Variants in NAPG observed in about 807,000 individuals in gnomAD.
The protein encoded by NAPG is gamma-soluble NSF attachment protein.
In NAPG, 25 loss-of-function variants were observed where a neutral mutation model predicts 48.4. The observed-to-expected ratio is 0.52, with a 90% CI of 0.38 to 0.72. NAPG has a LOEUF of 0.72. Ranked by LOEUF, NAPG falls within the 30% of genes least tolerant of loss-of-function variation. The pLI is 0.00. For synonymous variants in NAPG, 139 were observed against 127.2 expected (o/e 1.09, Z -0.62); for missense variants, 359 against 372.5 (o/e 0.96, Z 0.30).
At position 10,550,416 on chromosome 18, in the gene NAPG, C is replaced by T. The variant is rs2032364553; in HGVS notation, c.*196C>T. On this transcript the variant is annotated 3_prime_UTR_variant, in exon 12 of 12. Transcript: ENST00000322897. ...ACCTGTGAAGCATATCTTTTTCTTT[C>T]CATAAGAGCTTTTCTAAGACACCAG... is the stretch of plus-strand genomic sequence containing the variant. The T allele has an allele frequency of 1.0e-5, 5 of 487,776 alleles. No individual in the cohort carries two copies. The South Asian group carries it at 1.6e-4, about 16-fold the overall frequency. The allele number at this position is 487,776 out of a possible 1,614,324, so 30.2% of individuals were successfully genotyped here.
chr18:10,529,789 C>G (rs1219118832), intron 1 of NAPG, among the ~76,000 whole-genome samples: 3 of 152,134 alleles, frequency 2.0e-5, no homozygotes, highest in Non-Finnish European at 2.9e-5. Context: ...GTGGCAGTTC[C>G]CATGGCTGTC....
intron 1 of NAPG, among the ~76,000 whole-genome samples, chr18:10,530,134 G>C (rs1466591889): frequency 1.4e-5 from 2 of 140,532 alleles, no homozygotes; most frequent in African/African-American, 5.2e-5. Flanking sequence ...CTTGGCTTTT[G>C]TAATATCCTT....
Position 10,549,097 on chromosome 18 carries a change from G to A in NAPG, c.795+1G>A. 1 of 1,612,128 alleles carries A rather than the reference G, an allele frequency of 6.2e-7. No individual in the cohort carries two copies. The highest frequency in any genetic ancestry group is 8.5e-7 in the Non-Finnish European group (1 of 1,178,710). On this transcript the variant is annotated splice_donor_variant, in intron 11 of 11. Coordinates refer to ENST00000322897, the MANE Select transcript of NAPG (RefSeq NM_003826.3). LOFTEE classifies it high-confidence loss of function. ...GCTTTTCAAGTACATGGACAATGATGTAAGTGGACCCATTTGCATAGCTTT... is the reference window on the plus strand; with the variant it reads ...GCTTTTCAAGTACATGGACAATGATATAAGTGGACCCATTTGCATAGCTTT...
rs1352966038 is a variant in NAPG, at chr18:10,534,898, G to A, written c.258+402G>A. On this transcript the variant is annotated intron_variant, in intron 5 of 11. Coordinates refer to ENST00000322897, the MANE Select transcript of NAPG (RefSeq NM_003826.3). This position sits in a 1 kb window ranked among gnomAD's most constrained non-coding sequence, Gnocchi z 5.0. Reference sequence around the variant, plus strand: ...GAGATTTTTACTTATGTGAATAACAGTTGGCAGCAGAAACAACCACAGATT... The same window carrying A: ...GAGATTTTTACTTATGTGAATAACAATTGGCAGCAGAAACAACCACAGATT... Among the ~76,000 whole-genome samples the A allele has an allele frequency of 6.6e-6, 1 of 152,200 alleles. No homozygotes were observed. Among genetic ancestry groups the A allele is most frequent in the Non-Finnish European group, 1.5e-5 (1 of 68,036 alleles).
rs571460283 is a variant in NAPG at position 10,527,202 on chromosome 18, A to AG, written c.56+1044_56+1045insG. On this transcript the variant is annotated intron_variant, in intron 1 of 11. Coordinates refer to ENST00000322897, the MANE Select transcript of NAPG (RefSeq NM_003826.3). The stretch of plus-strand genomic sequence containing the variant: ...GACTCCGTCTCAAAAAAAAAAAAAA[A>AG]AAAGAAAAGAAAAAGTCAGCATTGT... Among the ~76,000 whole-genome samples, 45 of 123,412 alleles carry AG rather than the reference A, an allele frequency of 3.6e-4. No individual in the cohort carries two copies. In the South Asian group the frequency reaches 0.012, roughly 33 times the overall value. 81.0% of individuals were successfully genotyped at this position (123,412 alleles called of 152,430 possible). A position where few individuals can be genotyped will look rare whatever the true frequency, so the allele number is the denominator to read the frequency against.
At position 10,551,257 on chromosome 18, in the gene NAPG, T is replaced by A. The variant is rs2032387400; in HGVS notation, c.*1037T>A. The A allele has an allele frequency of 6.6e-6, 1 of 152,100 alleles. No homozygotes were observed. The highest frequency in any genetic ancestry group is 6.6e-5 in the Admixed American group (1 of 15,262). 9.4% of individuals were successfully genotyped at this position (152,100 alleles called of 1,614,324 possible). ...CAGCCTATGAATATCTTTCTAACAT[T>A]GTAAGAATGAGGTAATGTTTCCATC... On this transcript the variant is annotated 3_prime_UTR_variant, in exon 12 of 12. Transcript: ENST00000322897.
Position 10,539,517 on chromosome 18 carries a change from TG to T in NAPG, c.259-241del. On this transcript the variant is annotated intron_variant, in intron 5 of 11. Transcript: ENST00000322897. This position sits in a 1 kb window ranked among gnomAD's most constrained non-coding sequence, Gnocchi z 4.7. ...TCACACTCCTGGGCCTGTCGGGGGC[TG>T]GGGAATAAGGGGAGGGAGAGCACTA... 1 of 406,584 alleles carries T rather than the reference TG, an allele frequency of 2.5e-6. No individual in the cohort carries two copies. The highest frequency in any genetic ancestry group is 4.5e-6 in the Non-Finnish European group (1 of 220,820). 25.2% of individuals were successfully genotyped at this position (406,584 alleles called of 1,614,324 possible). A position where few individuals can be genotyped will look rare whatever the true frequency, so the allele number is the denominator to read the frequency against.
intron 8 of NAPG, 82 bp downstream of exon 8, chr18:10,540,481 C>A: frequency 1.6e-6 from 2 of 1,217,216 alleles, no homozygotes; most frequent in Non-Finnish European, 2.4e-6. Context: ...TGGGGGATAG[C>A]TTGTTAATTT....
At chr18:10,545,311 CA>C (rs915215306) in intron 8 of NAPG, among the ~76,000 whole-genome samples, 15 of 149,524 alleles carry the variant, frequency 1.0e-4, no homozygotes, top group Non-Finnish European at 4.4e-5. Context: ...GACTCCGTCT[CA>C]AAAAAAAATA....
intron 8 of NAPG, among the ~76,000 whole-genome samples, chr18:10,541,995 A>G (rs1271877636): frequency 1.3e-5 from 2 of 152,192 alleles, no homozygotes; most frequent in African/African-American, 2.4e-5. Flanking sequence ...AGAAAGCTCC[A>G]CTAGGGATGG....
chr18:10,526,415 C>T (rs1471855299), intron 1 of NAPG: 1 of 527,442 alleles, frequency 1.9e-6, no homozygotes, highest in African/African-American at 2.0e-5. Flanking sequence ...TGGGCGGGGA[C>T]TCGGCGCAGT....
intron 3 of NAPG, 96 bp downstream of exon 3, chr18:10,532,891 A>G: frequency 9.8e-7 from 1 of 1,024,942 alleles, no homozygotes; most frequent in Non-Finnish European, 1.4e-6. Context: ...CCTGTGAAGT[A>G]AAATGTTTTT....
chr18:10,550,903 A>G lies in NAPG; in HGVS notation c.*683A>G, dbSNP rs1325030528. 6.6e-6 allele frequency: 1 copy of G among 152,174 alleles called. No homozygotes were observed. The highest frequency in any genetic ancestry group is 2.4e-5 in the African/African-American group (1 of 41,458). 9.4% of individuals were successfully genotyped at this position (152,174 alleles called of 1,614,324 possible). The stretch of plus-strand genomic sequence containing the variant: ...TGGGTATTTCTTCTATCTAAAAAAT[A>G]CATACAGTGACTGTCTTCAAATCTA... On this transcript the variant is annotated 3_prime_UTR_variant, in exon 12 of 12. Coordinates refer to ENST00000322897, the MANE Select transcript of NAPG (RefSeq NM_003826.3).
At chr18:10,529,755 G>GA (rs1391643416) in intron 1 of NAPG, among the ~76,000 whole-genome samples, 8 of 150,770 alleles carry the variant, frequency 5.3e-5, no homozygotes, top group Non-Finnish European at 1.0e-4. Context: ...CCTATCTCAA[G>GA]AAAAAAAAAG....
At chr18:10,535,226 A>G (rs761482496) in intron 5 of NAPG, among the ~76,000 whole-genome samples, 5 of 152,168 alleles carry the variant, frequency 3.3e-5, no homozygotes, top group Admixed American at 6.5e-5. Flanking sequence ...TTTAATTTCT[A>G]TGACTTTTAT....
Position 10,548,450 on chromosome 18 carries a change from GGACACATGTTCCTGGCCATGAAACT to G in NAPG, c.665+74_665+98del. 1 of 1,208,740 alleles carries G rather than the reference GGACACATGTTCCTGGCCATGAAACT, an allele frequency of 8.3e-7. No homozygotes were observed. Among genetic ancestry groups the G allele is most frequent in the East Asian group, 2.3e-5 (1 of 42,834 alleles). 74.9% of individuals were successfully genotyped at this position (1,208,740 alleles called of 1,614,324 possible). On this transcript the variant is annotated intron_variant, in intron 10 of 11. Transcript: ENST00000322897. This position sits in a 1 kb window ranked among gnomAD's most constrained non-coding sequence, Gnocchi z 4.4. ...GTGTCTACAACTAAGATTGCTGCTA[GGACACATGTTCCTGGCCATGAAACT>G]GTCATTTCTAAATCTTAGGAGTGCT...
chr18:10,536,333 C>G (rs766700859), intron 5 of NAPG, among the ~76,000 whole-genome samples: 1 of 152,198 alleles, frequency 6.6e-6, no homozygotes, highest in African/African-American at 2.4e-5. Flanking sequence ...GTCCACAATT[C>G]TGTGGGCTAA....
chr18:10,550,194 G>T lies in NAPG; in HGVS notation c.913G>T (p.Asp305Tyr). Residue 305 changes from aspartate to tyrosine, a missense_variant, in exon 12 of 12, where the codon GAT becomes TAT. Asp to Tyr is a radical substitution (Grantham distance 160). Coordinates refer to ENST00000322897, the MANE Select transcript of NAPG (RefSeq NM_003826.3). ...TGCCACGGCTGCTGATGAAGAGGAA[G>T]ATGAATACTCAGGAGGACTATGCTA... is the stretch of plus-strand genomic sequence containing the variant. ...VTATAADEEEDEYSGGLC is the reference protein window; with the variant it reads ...VTATAADEEEYEYSGGLC 1 of 1,589,616 alleles carries T rather than the reference G, an allele frequency of 6.3e-7. No homozygotes were observed. The highest frequency in any genetic ancestry group is 8.5e-7 in the Non-Finnish European group (1 of 1,169,916).
intron 8 of NAPG, among the ~76,000 whole-genome samples, chr18:10,545,392 T>C (rs2032241893): frequency 6.6e-6 from 1 of 152,262 alleles, no homozygotes; most frequent in Non-Finnish European, 1.5e-5. Context: ...TGGTTTACAA[T>C]ACCACTTACC....
Sources: gnomAD v4.1 joint callset for allele counts (sites outside exome capture counted in the v4.1 genomes callset) on GRCh38, gnomAD v4.1.1 for gene constraint, Gnocchi (gnomAD v3.1) non-coding constraint, MANE v1.5 for transcripts, NCBI Gene and HGNC (gene_info 2026-07-23, HGNC 2026-07-21) for gene names.